MRTFB: variants seen among roughly 807,000 people sequenced by gnomAD.
MRTFB encodes myocardin-related transcription factor B.
In MRTFB, 29 loss-of-function variants were observed where a neutral mutation model predicts 104.2. The observed-to-expected ratio is 0.28, with a 90% CI of 0.21 to 0.38. The LOEUF (loss-of-function observed/expected upper bound fraction) is 0.38, where lower values mean the gene tolerates loss of function less well. MRTFB is among the 10% of genes least tolerant of loss of function. MRTFB has a pLI of 1.00. For missense variants in MRTFB, 1,270 were observed against 1,341.6 expected, an observed-to-expected ratio of 0.95 and a Z score of 0.83; for synonymous variants, 535 against 519.5, an observed-to-expected ratio of 1.03 and a Z score of -0.41.
At chr16:14,033,218 A>G in the MRTFB span, among the ~76,000 whole-genome samples, 1 of 152,040 alleles carries the variant, frequency 6.6e-6, no homozygotes, top group African/African-American at 2.4e-5. Context: ...TGGGCAATGT[A>G]GCAAGGCCCC....
At chr16:14,204,040 A>G (rs554098007) in intron 3 of MRTFB, among the ~76,000 whole-genome samples, 14 of 152,222 alleles carry the variant, frequency 9.2e-5, no homozygotes, top group Admixed American at 9.2e-4. Context: ...AGCTCACTGT[A>G]TAGCCTCGAA....
At chr16:14,152,414 ATTC>A (rs1400800664) in intron 3 of MRTFB, 6 of 152,244 alleles carry the variant, frequency 3.9e-5, no homozygotes, top group East Asian at 3.9e-4. Flanking sequence ...GTTATAGAAT[ATTC>A]TTCTATGAAA....
chr16:14,068,963 CTTTTTTTTTTT>C (rs989515330), upstream of MRTFB, among the ~76,000 whole-genome samples: 6 of 100,152 alleles, frequency 6.0e-5, no homozygotes, highest in Non-Finnish European at 1.1e-4. Flanking sequence ...GATTCTCCAG[CTTTTTTTTTTT>C]TTTTTTTTTT....
At chr16:14,242,968 G>C (rs900456379) in intron 10 of MRTFB, among the ~76,000 whole-genome samples, 1 of 151,986 alleles carries the variant, frequency 6.6e-6, no homozygotes, top group South Asian at 2.1e-4. Flanking sequence ...CTACTCTTAC[G>C]TAATAAAGCA....
intron 8 of MRTFB, among the ~76,000 whole-genome samples, chr16:14,227,321 C>T (rs1019608709): frequency 1.3e-5 from 2 of 152,018 alleles, no homozygotes; most frequent in Admixed American, 6.6e-5. Context: ...AAAAGCCCAG[C>T]CCCTCCCCGC....
At chr16:14,094,837 G>C (rs1454516248) in intron 2 of MRTFB, among the ~76,000 whole-genome samples, 1 of 152,216 alleles carries the variant, frequency 6.6e-6, no homozygotes, top group Non-Finnish European at 1.5e-5. Flanking sequence ...GTTCCATGCT[G>C]TCATTAATGA....
chr16:14,008,456 CAG>C, the MRTFB span, among the ~76,000 whole-genome samples: 2 of 152,172 alleles, frequency 1.3e-5, no homozygotes. Flanking sequence ...ATATTTAAAA[CAG>C]AATTGTGTTG....
At chr16:14,043,432 C>G in the MRTFB span, among the ~76,000 whole-genome samples, 1 of 151,984 alleles carries the variant, frequency 6.6e-6, no homozygotes, top group Non-Finnish European at 1.5e-5. Flanking sequence ...CGGGTGGTCT[C>G]GGTGCTGTGG....
At chr16:14,072,540 C>T (rs1232459491) in intron 1 of MRTFB, among the ~76,000 whole-genome samples, 23 of 152,154 alleles carry the variant, frequency 1.5e-4, no homozygotes. Flanking sequence ...AAAAAATTAG[C>T]GTGGTGTGGT....
intron 3 of MRTFB, among the ~76,000 whole-genome samples, chr16:14,194,533 A>G (rs971415969): frequency 2.0e-5 from 3 of 152,228 alleles, no homozygotes; most frequent in Admixed American, 2.0e-4. Context: ...AGTTCAGTCT[A>G]TAACAGCAGT....
chr16:14,241,238 C>A, intron 10 of MRTFB: 1 of 156,658 alleles, frequency 6.4e-6, no homozygotes, highest in Non-Finnish European at 1.4e-5. Flanking sequence ...GCTCTGGCAG[C>A]AGAGTGAGTG....
At chr16:14,176,494 C>T (rs1335409579) in intron 3 of MRTFB, among the ~76,000 whole-genome samples, 3 of 152,174 alleles carry the variant, frequency 2.0e-5, no homozygotes, top group Non-Finnish European at 4.4e-5. Context: ...TCTCAGTTCT[C>T]CCAAGAATGA....
intron 3 of MRTFB, among the ~76,000 whole-genome samples, chr16:14,209,648 A>G (rs2041105106): frequency 6.6e-6 from 1 of 152,180 alleles, no homozygotes; most frequent in Admixed American, 6.5e-5. Flanking sequence ...TAAAATAATA[A>G]GGTGTCAACT....
chr16:14,153,579 T>C (rs2038716434), intron 3 of MRTFB, among the ~76,000 whole-genome samples: 1 of 152,188 alleles, frequency 6.6e-6, no homozygotes, highest in Non-Finnish European at 1.5e-5. Flanking sequence ...TATTATAATT[T>C]GAAGGATTTT....
the MRTFB span, among the ~76,000 whole-genome samples, chr16:14,005,692 C>G: frequency 4.6e-5 from 7 of 152,134 alleles, no homozygotes; most frequent in African/African-American, 1.7e-4. Context: ...CCAGAGATTG[C>G]TGGATTCAAT....
chr16:14,248,666 C>A (rs1164614870), intron 12 of MRTFB: 1 of 359,652 alleles, frequency 2.8e-6, no homozygotes. Context: ...ATTTCCATTT[C>A]CATTTTCTCA....
intron 8 of MRTFB, among the ~76,000 whole-genome samples, chr16:14,224,847 AT>A (rs1414788282): frequency 6.6e-6 from 1 of 152,234 alleles, no homozygotes; most frequent in Non-Finnish European, 1.5e-5. Flanking sequence ...GAATCCTTCA[AT>A]CTGAAGTGAA....
the MRTFB span, among the ~76,000 whole-genome samples, chr16:14,017,647 A>ATGTATATGTG: frequency 3.4e-5 from 2 of 58,920 alleles, no homozygotes; most frequent in African/African-American, 1.3e-4. Context: ...ATATGTATAT[A>ATGTATATGTG]TGTGTGTGTG....
chr16:14,132,312 AT>A (rs879649675), intron 2 of MRTFB, among the ~76,000 whole-genome samples: 550 of 143,792 alleles, frequency 3.8e-3, no homozygotes, highest in Admixed American at 3.5e-3. Context: ...TGGGTACAGG[AT>A]TTTTTTTTTT....
Sources: allele counts gnomAD v4.1 joint callset (sites outside exome capture counted in the v4.1 genomes callset), GRCh38; gene constraint gnomAD v4.1.1; transcripts MANE v1.5; gene names NCBI Gene and HGNC (gene_info 2026-07-23, HGNC 2026-07-21).